PARP4: variants seen among roughly 807,000 people sequenced by gnomAD.
PARP4 encodes protein mono-ADP-ribosyltransferase PARP4.
In PARP4, 120 loss-of-function variants were observed where a neutral mutation model predicts 187.7. That is an observed-to-expected ratio of 0.64 (90% CI 0.55 to 0.74). PARP4 has a LOEUF of 0.74. PARP4 is among the 30% of genes least tolerant of loss of function. PARP4 has a pLI of 0.00. For missense variants in PARP4, 1,836 were observed against 2,070.5 expected (o/e 0.89, Z 2.20); for synonymous variants, 654 against 740.9 (o/e 0.88, Z 1.90).
intron 23 of PARP4, among the ~76,000 whole-genome samples, chr13:24,452,808 TAC>T (rs900229071): frequency 3.9e-5 from 6 of 152,248 alleles, no homozygotes; most frequent in South Asian, 2.1e-4. Context: ...TTTGATTTTT[TAC>T]AGTTTCCAGA....
rs988607158 is a variant in PARP4, at chr13:24,501,730, T to G, written c.237A>C (p.Lys79Asn). ...VHIANPDFIW[K>N]SIREKRLLDV... ...CCAAGAGTCTCTTTTCCCTGATAGA[T>G]TTCCATATAAAATCTGGGTTTGCAA... Residue 79 changes from lysine to asparagine, a missense_variant, in exon 3 of 34, where the codon AAA (lysine) becomes AAC (asparagine). Physicochemically the swap from Lys to Asn is moderately conservative, Grantham distance 94. This residue lies in a region of PARP4 where 1,147 missense variants were observed against 1,214.2 expected (regional missense o/e 0.94). Coordinates refer to ENST00000381989, the MANE Select transcript of PARP4 (RefSeq NM_006437.4). 6.2e-7 allele frequency: 1 copy of G among 1,612,150 alleles called. No individual in the cohort carries two copies. The highest frequency in any genetic ancestry group is 8.5e-7 in the Non-Finnish European group (1 of 1,178,180).
intron 33 of PARP4, 79 bp downstream of exon 33, chr13:24,426,387 C>T (rs1593581816): frequency 1.8e-6 from 2 of 1,138,640 alleles, no homozygotes; most frequent in South Asian, 1.4e-5. Flanking sequence ...TAAGATAATT[C>T]CCTATAGCTG....
intron 30 of PARP4, among the ~76,000 whole-genome samples, chr13:24,438,838 G>C (rs1343247152): frequency 6.6e-6 from 1 of 152,214 alleles, no homozygotes; most frequent in Non-Finnish European, 1.5e-5. Context: ...TGGATGTCCG[G>C]GCTCTATTGC....
At chr13:24,453,457 G>A in intron 23 of PARP4, 130 bp downstream of exon 23, 1 of 518,620 alleles carries the variant, frequency 1.9e-6, no homozygotes, top group Middle Eastern at 2.9e-4. Context: ...GAAATAAAGA[G>A]CCCACCAATA....
intron 12 of PARP4, among the ~76,000 whole-genome samples, chr13:24,484,318 A>C (rs1290338643): frequency 6.6e-6 from 1 of 152,112 alleles, no homozygotes; most frequent in East Asian, 1.9e-4. Flanking sequence ...AGGTTCTATT[A>C]GCGCCACCAT....
chr13:24,424,225 G>C (rs908725414), intron 33 of PARP4, among the ~76,000 whole-genome samples: 1 of 152,126 alleles, frequency 6.6e-6, no homozygotes, highest in African/African-American at 2.4e-5. Context: ...AAAATATCCA[G>C]GTAGTGTTTA....
intron 33 of PARP4, 70 bp downstream of exon 33, chr13:24,426,396 T>G (rs1482991401): frequency 2.5e-6 from 3 of 1,211,962 alleles, no homozygotes; most frequent in Non-Finnish European, 3.6e-6. Flanking sequence ...TCCCTATAGC[T>G]GTTTCTAAGG....
chr13:24,446,019 T>C (rs1871190570), intron 27 of PARP4, among the ~76,000 whole-genome samples: 1 of 152,240 alleles, frequency 6.6e-6, no homozygotes, highest in Admixed American at 6.5e-5. Flanking sequence ...CAGGAATTTT[T>C]TCTTTCATAA....
At chr13:24,426,237 G>T (rs4769352) in intron 33 of PARP4, among the ~76,000 whole-genome samples, 1 of 151,630 alleles carries the variant, frequency 6.6e-6, no homozygotes, top group East Asian at 2.0e-4. Flanking sequence ...CCTCCAGCGG[G>T]AGCTGCACTG....
At chr13:24,435,737 C>T (rs535507021) in intron 30 of PARP4, among the ~76,000 whole-genome samples, 11 of 152,070 alleles carry the variant, frequency 7.2e-5, no homozygotes, top group African/African-American at 2.2e-4. Context: ...GGTGACACAG[C>T]GAGGCTCCAT....
At position 24,494,645 on chromosome 13, in the gene PARP4, C is replaced by A. The variant is rs1868842972; in HGVS notation, c.669G>T (p.Lys223Asn). The change falls in exon 7 of 34, where the codon AAG becomes AAT. Residue 223 changes from lysine (K) to asparagine (N), a missense_variant. Lys to Asn is a moderately conservative substitution (Grantham distance 94). Coordinates refer to ENST00000381989, the MANE Select transcript of PARP4 (RefSeq NM_006437.4). ...EYFENYIEEL[K>N]KQGFLLREHF... ...GTTCTCTTAGTAGAAATCCTTGTTTCTTCAGTTCTTCAATGTAATTTTCAA... is the reference window on the plus strand; with the variant it reads ...GTTCTCTTAGTAGAAATCCTTGTTTATTCAGTTCTTCAATGTAATTTTCAA... The A allele has an allele frequency of 6.2e-7, 1 of 1,609,738 alleles. No individual in the cohort carries two copies. Among genetic ancestry groups the A allele is most frequent in the African/African-American group, 1.3e-5 (1 of 74,826 alleles).
chr13:24,483,014 T>C (rs1411058643), intron 12 of PARP4, among the ~76,000 whole-genome samples: 2 of 152,038 alleles, frequency 1.3e-5, no homozygotes, highest in East Asian at 1.9e-4. Context: ...TGCTCTTTTT[T>C]TCTTCTTTTC....
intron 10 of PARP4, among the ~76,000 whole-genome samples, chr13:24,487,554 A>G (rs1205410854): frequency 1.3e-5 from 2 of 152,332 alleles, no homozygotes; most frequent in Middle Eastern, 3.4e-3. Flanking sequence ...GAATTGACAG[A>G]ACATGGTTAT....
chr13:24,488,255 C>T (rs1334095392), intron 10 of PARP4, among the ~76,000 whole-genome samples: 3 of 109,728 alleles, frequency 2.7e-5, no homozygotes, highest in Non-Finnish European at 6.2e-5. Flanking sequence ...TCCATGTCAC[C>T]GGACTCTTAG....
chr13:24,463,821 A>G (rs1872324127), intron 17 of PARP4, among the ~76,000 whole-genome samples: 1 of 152,206 alleles, frequency 6.6e-6, no homozygotes, highest in African/African-American at 2.4e-5. Context: ...ATAAAGAAAT[A>G]AAGGTTATTT....
intron 27 of PARP4, among the ~76,000 whole-genome samples, chr13:24,445,492 C>A (rs952673893): frequency 2.6e-5 from 4 of 152,050 alleles, no homozygotes; most frequent in Non-Finnish European, 5.9e-5. Flanking sequence ...ATGAAACCTG[C>A]ATTAAAAACC....
intron 17 of PARP4, 117 bp downstream of exon 17, chr13:24,468,907 C>G (rs573899472): frequency 8.0e-6 from 6 of 749,584 alleles, no homozygotes; most frequent in African/African-American, 6.9e-5. Flanking sequence ...AAGTGGAACT[C>G]TGGGGCCTAC....
intron 6 of PARP4, among the ~76,000 whole-genome samples, chr13:24,495,734 G>A (rs866785293): frequency 1.2e-4 from 18 of 152,300 alleles, no homozygotes; most frequent in Admixed American, 2.6e-4. Flanking sequence ...CCCATAAGCC[G>A]CCCTCCCAGA....
intron 14 of PARP4, among the ~76,000 whole-genome samples, chr13:24,476,222 T>G (rs1250176720): frequency 6.6e-6 from 1 of 152,048 alleles, no homozygotes; most frequent in African/African-American, 2.4e-5. Context: ...CAAGTAATCC[T>G]CCTGCCTTAG....
Sources: allele counts gnomAD v4.1 joint callset (sites outside exome capture counted in the v4.1 genomes callset), GRCh38; gene constraint gnomAD v4.1.1; regional missense constraint gnomAD v4.1.1; transcripts MANE v1.5; gene names NCBI Gene and HGNC (gene_info 2026-07-23, HGNC 2026-07-21).